The following CLEC16A variants were observed in gnomAD, a reference collection of about 807,000 sequenced individuals.
CLEC16A encodes C-type lectin domain containing 16A.
Under a neutral mutation model 109.5 loss-of-function variants are expected in CLEC16A, and 51 were observed. That is an observed-to-expected ratio of 0.47 (90% CI 0.37 to 0.59). The LOEUF (loss-of-function observed/expected upper bound fraction) is 0.59, where lower values mean the gene tolerates loss of function less well. Among genes scored for constraint, CLEC16A ranks in the 20% least tolerant of loss-of-function variants. The pLI, the probability that CLEC16A is intolerant of heterozygous loss-of-function variation, is 0.00. For missense variants in CLEC16A, 1,339 were observed against 1,394.0 expected (o/e 0.96, Z 0.63); for synonymous variants, 673 against 564.2 (o/e 1.19, Z -2.73).
intron 19 of CLEC16A, among the ~76,000 whole-genome samples, chr16:11,086,512 G>GA (rs1567298257): frequency 1.3e-5 from 2 of 152,128 alleles, no homozygotes; most frequent in Non-Finnish European, 2.9e-5. Flanking sequence ...ATTCAGATGG[G>GA]GATGGTGAGA....
chr16:11,028,265 A>G (rs2046537097), intron 13 of CLEC16A, among the ~76,000 whole-genome samples: 1 of 152,228 alleles, frequency 6.6e-6, no homozygotes, highest in Non-Finnish European at 1.5e-5. Context: ...AGTTCCAAGG[A>G]AAAATTCCAG....
rs2044395501 is a variant in CLEC16A, at chr16:10,997,435, C to T, written c.1072-5639C>T. ...ATAAAGCCCCTCCTCAGTTTGTAAC[C>T]CATACCTCCACCCCACCCAAGAGAA... On this transcript the variant is annotated intron_variant, in intron 10 of 23. Coordinates refer to ENST00000409790, the MANE Select transcript of CLEC16A (RefSeq NM_015226.3). 8.5e-5 allele frequency among the ~76,000 whole-genome samples: 13 copies of T among 152,268 alleles called. No homozygotes were observed. The South Asian group carries it at 2.7e-3, about 32-fold the overall frequency.
At chr16:11,175,696 C>G (rs543852628) in intron 23 of CLEC16A, among the ~76,000 whole-genome samples, 2 of 152,318 alleles carry the variant, frequency 1.3e-5, no homozygotes, top group South Asian at 4.1e-4. Context: ...GAAACCAACC[C>G]TTTTAATAAA....
intron 10 of CLEC16A, among the ~76,000 whole-genome samples, chr16:11,000,362 G>A (rs182247957): frequency 8.8e-4 from 134 of 151,848 alleles, no homozygotes; most frequent in Middle Eastern, 3.4e-3. Flanking sequence ...TTCTATATCT[G>A]TCTGTGTGAA....
chr16:10,962,335 G>A (rs1006404353), intron 2 of CLEC16A, 120 bp from the exon 3 acceptor site: 26 of 1,181,036 alleles, frequency 2.2e-5, no homozygotes, highest in Non-Finnish European at 3.1e-5. Context: ...GGCATGACCT[G>A]TGCAGATACC....
intron 19 of CLEC16A, among the ~76,000 whole-genome samples, chr16:11,074,793 C>A (rs2152931130): frequency 6.6e-6 from 1 of 152,322 alleles, no homozygotes; most frequent in South Asian, 2.1e-4. Context: ...CTTTACAAAG[C>A]AGGATTTCTA....
At chr16:11,005,540 A>G (rs771799854) in intron 11 of CLEC16A, among the ~76,000 whole-genome samples, 1 of 152,166 alleles carries the variant, frequency 6.6e-6, no homozygotes, top group Non-Finnish European at 1.5e-5. Flanking sequence ...TCAAAATATG[A>G]TGGATCTGTC....
At position 11,120,734 on chromosome 16, in the gene CLEC16A, TG is replaced by T; in HGVS notation, c.2240del (p.Gly747GlufsTer14). 1 of 1,583,282 alleles carries T rather than the reference TG, an allele frequency of 6.3e-7. No homozygotes were observed. The highest frequency in any genetic ancestry group is 8.6e-7 in the Non-Finnish European group (1 of 1,163,762). ...LVEPDVSRLG[W>X]GVVKFAGLLQ... ...GGAGCCTGATGTGTCCAGGCTTGGC[TG>T]GGGAGTGGTCAAGTTTGCAGGCCTA... On this transcript the variant is annotated frameshift_variant, in exon 20 of 24. Coordinates refer to ENST00000409790, the MANE Select transcript of CLEC16A (RefSeq NM_015226.3). LOFTEE classifies it high-confidence loss of function.
intron 11 of CLEC16A, among the ~76,000 whole-genome samples, chr16:11,017,999 T>TAAAAAAAAAAAA (rs34526192): frequency 7.2e-6 from 1 of 138,800 alleles, no homozygotes; most frequent in Non-Finnish European, 1.6e-5. Flanking sequence ...AAAGAGGTAT[T>TAAAAAAAAAAAA]AAAAAAAAAA....
At chr16:10,966,562 G>A (rs921348760) in intron 3 of CLEC16A, among the ~76,000 whole-genome samples, 4 of 152,184 alleles carry the variant, frequency 2.6e-5, no homozygotes, top group African/African-American at 9.7e-5. Context: ...AGATATACCC[G>A]AGGCTGGGTA....
At chr16:11,030,729 C>G (rs2046692318) in intron 13 of CLEC16A, among the ~76,000 whole-genome samples, 1 of 152,182 alleles carries the variant, frequency 6.6e-6, no homozygotes, top group South Asian at 2.1e-4. Context: ...GCTGCAACCT[C>G]CGCCTCCCAG....
intron 22 of CLEC16A, among the ~76,000 whole-genome samples, chr16:11,137,396 G>A (rs1190156321): frequency 6.6e-6 from 1 of 151,880 alleles, no homozygotes; most frequent in Non-Finnish European, 1.5e-5. Context: ...CTAGCTCAAA[G>A]ACAATCCCCT....
At chr16:11,116,165 G>A (rs1262695637) in intron 19 of CLEC16A, among the ~76,000 whole-genome samples, 7 of 151,914 alleles carry the variant, frequency 4.6e-5, no homozygotes, top group Non-Finnish European at 7.4e-5. Flanking sequence ...CAAGGCAGGC[G>A]GATCACTTGA....
chr16:11,122,978 A>T (rs140138002), intron 20 of CLEC16A, among the ~76,000 whole-genome samples: 2 of 129,198 alleles, frequency 1.5e-5, no homozygotes, highest in Non-Finnish European at 3.1e-5. Context: ...ATCTCGGCTC[A>T]CTGCAACCTC....
Position 10,979,116 on chromosome 16 carries a change from G to C in CLEC16A, c.904-213G>C, listed in dbSNP as rs566029480. 2.6e-5 allele frequency among the ~76,000 whole-genome samples: 4 copies of C among 152,302 alleles called. No homozygotes were observed. In the South Asian group the frequency reaches 8.3e-4, roughly 32 times the overall value. ...GTGAGTAATGGTGAAAGGTTTCTCA[G>C]ATGGAAAAATAGTGTCCTTGCAAAC... On this transcript the variant is annotated intron_variant, in intron 8 of 23. Coordinates refer to ENST00000409790, the MANE Select transcript of CLEC16A (RefSeq NM_015226.3).
intron 10 of CLEC16A, among the ~76,000 whole-genome samples, chr16:10,994,945 A>G (rs1596954063): frequency 6.6e-6 from 1 of 152,192 alleles, no homozygotes; most frequent in African/African-American, 2.4e-5. Context: ...ATGTGGCAGG[A>G]AGGTTGTGCA....
intron 3 of CLEC16A, among the ~76,000 whole-genome samples, chr16:10,966,226 A>G (rs2042498516): frequency 1.3e-5 from 2 of 152,248 alleles, no homozygotes; most frequent in South Asian, 4.1e-4. Context: ...AAAGGAAAGA[A>G]GGAATGAACT....
chr16:11,135,373 C>T (rs2053496793), intron 22 of CLEC16A, among the ~76,000 whole-genome samples: 1 of 152,174 alleles, frequency 6.6e-6, no homozygotes, highest in South Asian at 2.1e-4. Flanking sequence ...TGCAAGGTTT[C>T]CCCACTCACA....
At chr16:11,111,347 G>T (rs565325899) in intron 19 of CLEC16A, among the ~76,000 whole-genome samples, 1 of 152,158 alleles carries the variant, frequency 6.6e-6, no homozygotes, top group African/African-American at 2.4e-5. Context: ...CCTGGACCTT[G>T]GTTTCTCTCT....
Sources: gnomAD v4.1 joint callset for allele counts (sites outside exome capture counted in the v4.1 genomes callset) on GRCh38, gnomAD v4.1.1 for gene constraint, MANE v1.5 for transcripts, NCBI Gene and HGNC (gene_info 2026-07-23, HGNC 2026-07-21) for gene names.